NOC2L: variants seen among roughly 807,000 people sequenced by gnomAD.
NOC2L encodes the protein NOC2 like nucleolar associated transcriptional repressor.
Under a neutral mutation model 94.2 loss-of-function variants are expected in NOC2L, and 101 were observed. The ratio of observed to expected loss-of-function variants is 1.07; its 90% CI spans 0.91 to 1.26. The LOEUF (loss-of-function observed/expected upper bound fraction) is 1.26. Among genes scored for constraint, NOC2L ranks in the 50% most tolerant of loss-of-function variants. NOC2L has a pLI of 0.00. For missense variants in NOC2L, 1,076 were observed against 980.1 expected (o/e 1.10, Z -1.31); for synonymous variants, 531 against 413.4 (o/e 1.28, Z -3.45).
Position 944,581 on chromosome 1 carries a change from G to C in NOC2L, c.*113C>G, listed in dbSNP as rs1056669116. Reference sequence around the variant, plus strand: ...AAATAAATAATAAAGCCTGTCCCGTGTCTACTGCCTCCCCCAACTGCACAG... The same window carrying C: ...AAATAAATAATAAAGCCTGTCCCGTCTCTACTGCCTCCCCCAACTGCACAG... On this transcript the variant is annotated 3_prime_UTR_variant, in exon 19 of 19. Transcript: ENST00000327044. The C allele has an allele frequency of 4.5e-6, 3 of 668,978 alleles. No homozygotes were observed. In the East Asian group the frequency reaches 8.4e-5, roughly 19 times the overall value. 41.4% of individuals were successfully genotyped at this position (668,978 alleles called of 1,614,324 possible).
chr1:953,523 T>C (rs560540807), intron 8 of NOC2L, among the ~76,000 whole-genome samples: 4 of 152,316 alleles, frequency 2.6e-5, no homozygotes, highest in South Asian at 2.1e-4. Context: ...CCGACGTATG[T>C]GAGATCACAC....
chr1:950,762 C>T (rs1010660995), intron 12 of NOC2L, among the ~76,000 whole-genome samples: 1 of 152,182 alleles, frequency 6.6e-6, no homozygotes, highest in Non-Finnish European at 1.5e-5. Context: ...ATCCCCCATA[C>T]AAATGCATAC....
intron 9 of NOC2L, 151 bp downstream of exon 9, chr1:953,024 T>A: frequency 1.6e-6 from 1 of 637,342 alleles, no homozygotes; most frequent in Non-Finnish European, 2.9e-6. Context: ...AGGTGCTCTG[T>A]GAGACATTCG....
At chr1:950,504 C>T (rs1205020810) in intron 12 of NOC2L, among the ~76,000 whole-genome samples, 2 of 147,274 alleles carry the variant, frequency 1.4e-5, no homozygotes, top group East Asian at 3.8e-4. Context: ...TATACAAAGA[C>T]ACATGCACAG....
In NOC2L at chr1:954,966, T is replaced by C. The variant is rs1642363155; in HGVS notation, c.699-884A>G. 2.0e-5 allele frequency among the ~76,000 whole-genome samples: 3 copies of C among 152,238 alleles called. No individual in the cohort carries two copies. The South Asian group carries it at 6.2e-4, about 31-fold the overall frequency. Reference sequence around the variant, plus strand: ...AGGGCCCCAGAAAGGCCCCCCGTCCTCGACCCTCCTCACACCTGTGCTGAC... The same window carrying C: ...AGGGCCCCAGAAAGGCCCCCCGTCCCCGACCCTCCTCACACCTGTGCTGAC... On this transcript the variant is annotated intron_variant, in intron 6 of 18. Transcript: ENST00000327044.
rs763649870 is a variant in NOC2L at position 953,796 on chromosome 1, G to A, written c.874C>T (p.Arg292Cys). 19 of 1,611,858 alleles carry A rather than the reference G, an allele frequency of 1.2e-5. No individual in the cohort carries two copies. The highest frequency in any genetic ancestry group is 1.2e-4 in the Admixed American group (7 of 59,974). Residue 292 changes from arginine (R) to cysteine (C), a missense_variant, in exon 8 of 19, where the codon CGC becomes TGC. By Grantham distance (180) the Arg-to-Cys change is radical. Coordinates refer to ENST00000327044, the MANE Select transcript of NOC2L (RefSeq NM_015658.4). ...GGGCCACGAACCTTGAGCAGCATGCGGCACTGCTTGGGGAAGGTCAGGAAG... is the reference window on the plus strand; with the variant it reads ...GGGCCACGAACCTTGAGCAGCATGCAGCACTGCTTGGGGAAGGTCAGGAAG... ...PCFLTFPKQC[R>C]MLLKRMVIVW... is the part of the protein sequence containing the mutation.
chr1:953,803 C>T lies in NOC2L; in HGVS notation c.867G>A (p.Lys289=). ...GAACCTTGAGCAGCATGCGGCACTG[C>T]TTGGGGAAGGTCAGGAAGCAGGGCA... The part of the protein sequence containing the change: ...VLVPCFLTFP[K]QCRMLLKRMV... The change falls in exon 8 of 19, where the codon AAG becomes AAA. Residue 289 remains lysine (K), a synonymous_variant. Transcript: ENST00000327044. 6.2e-7 allele frequency: 1 copy of T among 1,612,794 alleles called. No individual in the cohort carries two copies. The highest frequency in any genetic ancestry group is 1.1e-5 in the South Asian group (1 of 91,076).
chr1:949,818 G>C (rs1011704813), intron 12 of NOC2L, among the ~76,000 whole-genome samples: 3 of 152,204 alleles, frequency 2.0e-5, no homozygotes, highest in African/African-American at 7.2e-5. Flanking sequence ...CAGCATCCCT[G>C]CCTCAGTGGA....
At chr1:959,119 C>T in intron 1 of NOC2L, 38 bp from the exon 2 acceptor site, 2 of 1,610,366 alleles carry the variant, frequency 1.2e-6, no homozygotes, top group South Asian at 2.2e-5. Flanking sequence ...CCCGCACGCC[C>T]AGCTCGCCCC....
chr1:954,962 G>A (rs908323361), intron 6 of NOC2L, among the ~76,000 whole-genome samples: 3 of 152,240 alleles, frequency 2.0e-5, no homozygotes, highest in Non-Finnish European at 2.9e-5. Context: ...AAGGCCCCCC[G>A]TCCTCGACCC....
In NOC2L at chr1:944,601, GCA is replaced by G. The variant is rs1443900114; in HGVS notation, c.*91_*92del. 13 of 762,558 alleles carry G rather than the reference GCA, an allele frequency of 1.7e-5. No homozygotes were observed. Among genetic ancestry groups the G allele is most frequent in the Non-Finnish European group, 2.8e-5 (13 of 467,880 alleles). 47.2% of individuals were successfully genotyped at this position (762,558 alleles called of 1,614,324 possible). A position where few individuals can be genotyped will look rare whatever the true frequency, so the allele number is the denominator to read the frequency against. On this transcript the variant is annotated 3_prime_UTR_variant, in exon 19 of 19. Coordinates refer to ENST00000327044, the MANE Select transcript of NOC2L (RefSeq NM_015658.4). ...CCCGTGTCTACTGCCTCCCCCAACT[GCA>G]CAGACGCCAGCCTCTAGGCCTGACT... is the stretch of plus-strand genomic sequence containing the variant.
At chr1:946,805 C>A (rs1269578514) in intron 14 of NOC2L, 7 of 382,514 alleles carry the variant, frequency 1.8e-5, no homozygotes, top group Admixed American at 8.4e-5. Flanking sequence ...CGCCTGTAAT[C>A]CCAGCACTTT....
intron 11 of NOC2L, 99 bp downstream of exon 11, chr1:951,901 G>C: frequency 3.7e-6 from 5 of 1,357,886 alleles, no homozygotes; most frequent in Non-Finnish European, 5.0e-6. Flanking sequence ...CACAGACTCA[G>C]GCCCCAAGGC....
At chr1:951,075 C>G in intron 12 of NOC2L, 52 bp downstream of exon 12, 1 of 1,382,410 alleles carries the variant, frequency 7.2e-7, no homozygotes, top group South Asian at 1.2e-5. Flanking sequence ...GCAGCAGATG[C>G]TCCCTACAGG....
intron 2 of NOC2L, chr1:957,961 C>T (rs1338392937): frequency 6.5e-6 from 1 of 152,736 alleles, no homozygotes; most frequent in Non-Finnish European, 1.5e-5. Context: ...TTGCTGTTTT[C>T]TGCTGCCTGA....
intron 9 of NOC2L, 51 bp downstream of exon 9, chr1:953,124 G>GA (rs1557620536): frequency 7.2e-7 from 1 of 1,395,404 alleles, no homozygotes. Flanking sequence ...CCCTTAGGCC[G>GA]AGATTTCCAA....
chr1:952,679 A>AGGGGC, intron 9 of NOC2L, 79 bp from the exon 10 acceptor site: 3 of 1,410,358 alleles, frequency 2.1e-6, no homozygotes, highest in Non-Finnish European at 3.0e-6. Flanking sequence ...CCCTGTGAAC[A>AGGGGC]CCTGGGCCTT....
At chr1:948,942 G>C (rs1642185974) in intron 12 of NOC2L, among the ~76,000 whole-genome samples, 1 of 152,062 alleles carries the variant, frequency 6.6e-6, no homozygotes, top group Non-Finnish European at 1.5e-5. Flanking sequence ...CAGAGTACCA[G>C]GACAGCCCCC....
chr1:953,784 T>C lies in NOC2L; in HGVS notation c.886A>G (p.Lys296Glu). The change falls in exon 8 of 19, where the codon AAG (lysine) becomes GAG (glutamate). Residue 296 changes from lysine to glutamate, a missense_variant and splice_region_variant. By Grantham distance (56) the Lys-to-Glu change is moderately conservative. Around this residue, in one of 3 missense-constraint regions of NOC2L, gnomAD observed 457 missense variants for 386.0 expected, o/e 1.18. Transcript: ENST00000327044. ...TFPKQCRMLL[K>E]RMVIVWSTGE... is the part of the protein sequence containing the mutation. ...AGGGAGGGGACTGGGCCACGAACCTTGAGCAGCATGCGGCACTGCTTGGGG... is the reference window on the plus strand; with the variant it reads ...AGGGAGGGGACTGGGCCACGAACCTCGAGCAGCATGCGGCACTGCTTGGGG... 1 of 1,610,396 alleles carries C rather than the reference T, an allele frequency of 6.2e-7. No homozygotes were observed. Among genetic ancestry groups the C allele is most frequent in the Non-Finnish European group, 8.5e-7 (1 of 1,178,336 alleles).
Sources: allele counts gnomAD v4.1 joint callset (sites outside exome capture counted in the v4.1 genomes callset), GRCh38; gene constraint gnomAD v4.1.1; regional missense constraint gnomAD v4.1.1; transcripts MANE v1.5; gene names NCBI Gene and HGNC (gene_info 2026-07-23, HGNC 2026-07-21).